The following SMAD2 variants were observed in gnomAD, a reference collection of about 807,000 sequenced individuals.
The protein encoded by SMAD2 is MAD homolog 2.
A neutral mutation model predicts 64.4 loss-of-function variants in SMAD2; 8 were observed. The ratio of observed to expected loss-of-function variants is 0.12; its 90% CI spans 0.07 to 0.22. The LOEUF (loss-of-function observed/expected upper bound fraction) is 0.22. SMAD2 is among the 10% of genes least tolerant of loss of function. The probability of loss-of-function intolerance (pLI) is 1.00; values close to 1 mark genes in which losing one functional copy is unlikely to be tolerated. For synonymous variants in SMAD2, 203 were observed against 195.8 expected, an observed-to-expected ratio of 1.04 and a Z score of -0.31; for missense variants, 289 against 561.2, an observed-to-expected ratio of 0.51 and a Z score of 4.90.
intron 1 of SMAD2, among the ~76,000 whole-genome samples, chr18:47,908,936 TC>T (rs1233089737): frequency 6.6e-6 from 1 of 152,152 alleles, no homozygotes; most frequent in Non-Finnish European, 1.5e-5. Context: ...CTGACAGTGC[TC>T]CCAAGAAGCA....
chr18:47,872,700 C>G (rs919699598), intron 2 of SMAD2, among the ~76,000 whole-genome samples: 1 of 152,132 alleles, frequency 6.6e-6, no homozygotes, highest in Non-Finnish European at 1.5e-5. Flanking sequence ...GTGAACTGCA[C>G]ATGCGAGGGC....
intron 6 of SMAD2, among the ~76,000 whole-genome samples, chr18:47,856,540 T>C (rs2030699854): frequency 6.6e-6 from 1 of 152,184 alleles, no homozygotes; most frequent in Admixed American, 6.5e-5. Flanking sequence ...TCATCCTGGG[T>C]TGCTTCTTCA....
chr18:47,916,926 T>A (rs921107398), intron 1 of SMAD2, among the ~76,000 whole-genome samples: 4 of 152,218 alleles, frequency 2.6e-5, no homozygotes, highest in African/African-American at 9.7e-5. Context: ...TTCTCCTCTA[T>A]CAGTCTTGGC....
intron 1 of SMAD2, among the ~76,000 whole-genome samples, chr18:47,907,779 C>T (rs530985859): frequency 6.6e-6 from 1 of 152,242 alleles, no homozygotes; most frequent in Admixed American, 6.5e-5. Context: ...TGGCGAAACC[C>T]TGTCTCTACA....
rs1194278062 is a variant in SMAD2 at position 47,818,938 on chromosome 18, T to C, written c.*22889A>G. 2 of 152,250 alleles carry C rather than the reference T, an allele frequency of 1.3e-5. No individual in the cohort carries two copies. Among genetic ancestry groups the C allele is most frequent in the Non-Finnish European group, 2.9e-5 (2 of 68,044 alleles). 9.4% of individuals were successfully genotyped at this position (152,250 alleles called of 1,614,324 possible). On this transcript the variant is annotated 3_prime_UTR_variant, in exon 11 of 11. Transcript: ENST00000262160. ...CCAGCAAGCCTGTATTACTATCGTA[T>C]GACTAAAATTCTAAAATGAAAGCTA...
In SMAD2 at chr18:47,829,526, A is replaced by C. The variant is rs1912905000; in HGVS notation, c.*12301T>G. ...ATATAAACAAGCCAGATTCTTAGGT[A>C]TCTCTCCCTTTTGTAATTTTGATTC... On this transcript the variant is annotated 3_prime_UTR_variant, in exon 11 of 11. Transcript: ENST00000262160. 6.6e-6 allele frequency: 1 copy of C among 152,214 alleles called. No homozygotes were observed. The highest frequency in any genetic ancestry group is 1.5e-5 in the Non-Finnish European group (1 of 68,050). 9.4% of individuals were successfully genotyped at this position (152,214 alleles called of 1,614,324 possible).
At chr18:47,910,169 T>A (rs1331645476) in intron 1 of SMAD2, among the ~76,000 whole-genome samples, 8 of 97,766 alleles carry the variant, frequency 8.2e-5, no homozygotes, top group Non-Finnish European at 1.6e-4. Flanking sequence ...ATTGTGGATA[T>A]GGAAAAAAAA....
At position 47,854,010 on chromosome 18, in the gene SMAD2, G is replaced by C. The variant is rs117076745; in HGVS notation, c.731-2683C>G. Among the ~76,000 whole-genome samples, 79 of 152,022 alleles carry C rather than the reference G, an allele frequency of 5.2e-4. 1 individual carries two copies. In the East Asian group the frequency reaches 0.013, roughly 25 times the overall value. ...TAAATTAACAGGCGTTCAGTCAGAT[G>C]TGACAGGTTAGAATTACAGATTACA... is the stretch of plus-strand genomic sequence containing the variant. On this transcript the variant is annotated intron_variant, in intron 6 of 10. Transcript: ENST00000262160.
At chr18:47,911,628 A>C (rs2034138963) in intron 1 of SMAD2, among the ~76,000 whole-genome samples, 1 of 152,200 alleles carries the variant, frequency 6.6e-6, no homozygotes, top group African/African-American at 2.4e-5. Flanking sequence ...ATTTGAAAGG[A>C]GTCAATAATA....
chr18:47,879,495 CGTGTGTGTGTGTGT>C (rs58440360), intron 2 of SMAD2, among the ~76,000 whole-genome samples: 4 of 141,340 alleles, frequency 2.8e-5, no homozygotes, highest in African/African-American at 5.2e-5. Context: ...ATGTATATGA[CGTGTGTGTGTGTGT>C]GTGTGTGTGT....
chr18:47,843,472 T>C (rs564328022), intron 10 of SMAD2, among the ~76,000 whole-genome samples: 16 of 152,290 alleles, frequency 1.1e-4, no homozygotes, highest in African/African-American at 3.1e-4. Flanking sequence ...CTCGATTAAA[T>C]ACAAATTCTT....
At chr18:47,907,498 G>C (rs2033951395) in intron 1 of SMAD2, among the ~76,000 whole-genome samples, 1 of 152,216 alleles carries the variant, frequency 6.6e-6, no homozygotes, top group Admixed American at 6.5e-5. Flanking sequence ...CACTAAGGAA[G>C]AGAAGTGGAA....
intron 1 of SMAD2, among the ~76,000 whole-genome samples, chr18:47,908,334 T>C (rs2033986882): frequency 1.3e-5 from 2 of 152,178 alleles, no homozygotes; most frequent in Non-Finnish European, 1.5e-5. Context: ...AGCTATATAA[T>C]TGACCCGTGG....
chr18:47,830,403 CCT>C lies in SMAD2; in HGVS notation c.*11422_*11423del, dbSNP rs763922706. ...ACCAGCCTGGCAAACATGGTGAAAC[CCT>C]GTCTCCACTAAAAATACAAAAAGTA... On this transcript the variant is annotated 3_prime_UTR_variant, in exon 11 of 11. Coordinates refer to ENST00000262160, the MANE Select transcript of SMAD2 (RefSeq NM_005901.6). 2.6e-5 allele frequency: 4 copies of C among 151,798 alleles called. No individual in the cohort carries two copies. Among genetic ancestry groups the C allele is most frequent in the Non-Finnish European group, 5.9e-5 (4 of 67,990 alleles). 9.4% of individuals were successfully genotyped at this position (151,798 alleles called of 1,614,324 possible). A position where few individuals can be genotyped will look rare whatever the true frequency, so the allele number is the denominator to read the frequency against.
chr18:47,885,701 C>T (rs1258446052), intron 2 of SMAD2, among the ~76,000 whole-genome samples: 13 of 152,048 alleles, frequency 8.5e-5, no homozygotes, highest in African/African-American at 3.1e-4. Context: ...GTGACTCACG[C>T]TTGTAATCCC....
intron 2 of SMAD2, among the ~76,000 whole-genome samples, chr18:47,893,229 A>G (rs1315252996): frequency 6.6e-6 from 1 of 152,214 alleles, no homozygotes; most frequent in Admixed American, 6.5e-5. Flanking sequence ...AGCGACAGTG[A>G]CGTATCTATA....
At chr18:47,845,575 T>C (rs1239347689) in intron 9 of SMAD2, 88 bp downstream of exon 9, 16 of 1,563,516 alleles carry the variant, frequency 1.0e-5, no homozygotes, top group Non-Finnish European at 1.4e-5. Flanking sequence ...AATATGAGCA[T>C]GCAATCATCT....
chr18:47,817,722 C>T lies in SMAD2; in HGVS notation c.*24105G>A, dbSNP rs1179266386. On this transcript the variant is annotated 3_prime_UTR_variant, in exon 11 of 11. Transcript: ENST00000262160. ...CTTTTGGGAACACTGATTTTGGTTT[C>T]GTTTCGATATGGTTACATGCATCTG... 3 of 152,156 alleles carry T rather than the reference C, an allele frequency of 2.0e-5. No individual in the cohort carries two copies. The highest frequency in any genetic ancestry group is 1.9e-4 in the East Asian group (1 of 5,200). The allele number at this position is 152,156 out of a possible 1,614,324, so 9.4% of individuals were successfully genotyped here.
In SMAD2 at chr18:47,819,403, T is replaced by C. The variant is rs1056564732; in HGVS notation, c.*22424A>G. On this transcript the variant is annotated 3_prime_UTR_variant, in exon 11 of 11. Coordinates refer to ENST00000262160, the MANE Select transcript of SMAD2 (RefSeq NM_005901.6). ...CATATTTCATTTTTATGGTTCTTAA[T>C]TGAACACATGATACTCACAGGTAAT... is the stretch of plus-strand genomic sequence containing the variant. The C allele has an allele frequency of 1.3e-5, 2 of 152,248 alleles. No individual in the cohort carries two copies. The highest frequency in any genetic ancestry group is 4.8e-5 in the African/African-American group (2 of 41,478). The allele number at this position is 152,248 out of a possible 1,614,324, so 9.4% of individuals were successfully genotyped here.
Sources: gnomAD v4.1 joint callset for allele counts (sites outside exome capture counted in the v4.1 genomes callset) on GRCh38, gnomAD v4.1.1 for gene constraint, MANE v1.5 for transcripts, NCBI Gene and HGNC (gene_info 2026-07-23, HGNC 2026-07-21) for gene names.